Variants in MFRP observed in about 807,000 individuals in gnomAD.
MFRP encodes the protein C1q and TNF related 5.
MFRP carries 74 observed loss-of-function variants against 65.8 expected under a neutral mutation model. The observed-to-expected ratio is 1.12, with a 90% CI of 0.93 to 1.36. MFRP has a LOEUF of 1.36. MFRP is among the 40% of genes most tolerant of loss of function. The probability of loss-of-function intolerance (pLI) is 0.00; values close to 1 mark genes in which losing one functional copy is unlikely to be tolerated. For synonymous variants in MFRP, 336 were observed against 288.3 expected, an observed-to-expected ratio of 1.17 and a Z score of -1.68; for missense variants, 838 against 736.0, an observed-to-expected ratio of 1.14 and a Z score of -1.60.
At chr11:119,343,378 G>T (rs192120917) in intron 9 of MFRP, among the ~76,000 whole-genome samples, 294 of 152,296 alleles carry the variant, frequency 1.9e-3, no homozygotes, top group Non-Finnish European at 3.2e-3. Flanking sequence ...TTATCTGGGC[G>T]TGGTGGCATG....
Position 119,341,387 on chromosome 11 carries a change from G to C in MFRP, c.*161C>G, listed in dbSNP as rs1333783847. On this transcript the variant is annotated 3_prime_UTR_variant, in exon 13 of 15. Transcript: ENST00000619721. ...AGGAAGGAGCAGGGAGGGTGGTAGG[G>C]TCCCATGAGCCCCAGCTGAGGACTT... The C allele has an allele frequency of 3.2e-6, 2 of 633,946 alleles. No individual in the cohort carries two copies. Among genetic ancestry groups the C allele is most frequent in the Non-Finnish European group, 5.5e-6 (2 of 366,108 alleles). 39.3% of individuals were successfully genotyped at this position (633,946 alleles called of 1,614,324 possible). A position where few individuals can be genotyped will look rare whatever the true frequency, so the allele number is the denominator to read the frequency against.
In MFRP at chr11:119,345,440, C is replaced by A. The variant is rs1363536332; in HGVS notation, c.621G>T (p.Glu207Asp). 1 of 1,613,930 alleles carries A rather than the reference C, an allele frequency of 6.2e-7. No homozygotes were observed. Among genetic ancestry groups the A allele is most frequent in the Non-Finnish European group, 8.5e-7 (1 of 1,180,030 alleles). Residue 207 changes from glutamate (E) to aspartate (D), a missense_variant, in exon 5 of 15, where the codon GAG becomes GAT. Coordinates refer to ENST00000619721, the MANE Select transcript of MFRP (RefSeq NM_031433.4). ...CCTACCTGAGGAGGGGGCCTTCAGG[C>A]TCAGGGGAGAGTTCCAAGCGATCAA... is the stretch of plus-strand genomic sequence containing the variant. ...CLFDRLELSPEPEGPLLRVCG... is the reference protein window; with the variant it reads ...CLFDRLELSPDPEGPLLRVCG...
chr11:119,342,617 C>A lies in MFRP; in HGVS notation c.1366G>T (p.Gly456Cys), dbSNP rs369531002. 2 of 1,613,404 alleles carry A rather than the reference C, an allele frequency of 1.2e-6. No homozygotes were observed. The highest frequency in any genetic ancestry group is 4.5e-5 in the East Asian group (2 of 44,862). Residue 456 changes from glycine to cysteine, a missense_variant, in exon 11 of 15, where the codon GGC becomes TGC. Gly to Cys is a radical substitution (Grantham distance 159). Coordinates refer to ENST00000619721, the MANE Select transcript of MFRP (RefSeq NM_031433.4). ...CTDGSDDNCS[G>C]PLFPPPELAC... ...TCACCTGGGGGTGGGAACAAGGGGCCGCTGCAGTTGTCATCGCTGCCATCG... is the reference window on the plus strand; with the variant it reads ...TCACCTGGGGGTGGGAACAAGGGGCAGCTGCAGTTGTCATCGCTGCCATCG...
At chr11:119,345,677 G>A (rs1244058564) in intron 4 of MFRP, 44 bp from the exon 5 acceptor site, 6 of 1,608,556 alleles carry the variant, frequency 3.7e-6, no homozygotes, top group Non-Finnish European at 5.1e-6. Context: ...AAGGAGTGAG[G>A]TCCTTTATTC....
chr11:119,340,499 C>A (rs965120899), intron 13 of MFRP, 59 bp from the exon 14 acceptor site: 2 of 1,301,000 alleles, frequency 1.5e-6, no homozygotes, highest in Admixed American at 2.0e-5. Flanking sequence ...CCTCTCTCCC[C>A]ACCCCGGCGC....
In MFRP at chr11:119,342,668, T is replaced by A. The variant is rs774247976; in HGVS notation, c.1315A>T (p.Met439Leu). 1 of 1,613,562 alleles carries A rather than the reference T, an allele frequency of 6.2e-7. No homozygotes were observed. Among genetic ancestry groups the A allele is most frequent in the South Asian group, 1.1e-5 (1 of 91,068 alleles). ...QAGGCKGVQW[M>L]CDMWRDCTDG... ...GTGCAGTCTCTCCACATGTCACACA[T>A]CCACTGCACACCCTTACACCCTCCT... The change falls in exon 11 of 15, where the codon ATG (methionine) becomes TTG (leucine). Residue 439 changes from methionine (M) to leucine (L), a missense_variant. Transcript: ENST00000619721.
rs762086812 is a variant in MFRP at position 119,346,382 on chromosome 11, G to C, written c.55-8C>G. 13 of 1,613,738 alleles carry C rather than the reference G, an allele frequency of 8.1e-6. No individual in the cohort carries two copies. In the South Asian group the frequency reaches 8.8e-5, roughly 11 times the overall value. ...AGGATTGCAGAACTCGGTCTGGAAG[G>C]GGGAGATACTTGAGGGCTGAGGGCA... is the stretch of plus-strand genomic sequence containing the variant. On this transcript the variant is annotated splice_polypyrimidine_tract_variant and splice_region_variant and intron_variant, in intron 1 of 14. Coordinates refer to ENST00000619721, the MANE Select transcript of MFRP (RefSeq NM_031433.4).
chr11:119,346,273 A>G lies in MFRP; in HGVS notation c.156T>C (p.His52=), dbSNP rs1188035800. 3 of 1,612,162 alleles carry G rather than the reference A, an allele frequency of 1.9e-6. No homozygotes were observed. The highest frequency in any genetic ancestry group is 2.5e-6 in the Non-Finnish European group (3 of 1,179,198). ...CAGGTCACCCCCTGGGATGGTTACC[A>G]TGCCAGGGAGCTGGGACGCTGTAGC... ...DASYSVPAPW[H]GRRPRGLRPD... Residue 52 remains histidine, a splice_region_variant and synonymous_variant, in exon 2 of 15, where the codon CAT becomes CAC. Transcript: ENST00000619721.
At position 119,343,757 on chromosome 11, in the gene MFRP, G is replaced by A. The variant is rs1245319413; in HGVS notation, c.1124+59C>T. 5 of 1,604,924 alleles carry A rather than the reference G, an allele frequency of 3.1e-6. No individual in the cohort carries two copies. In the Admixed American group the frequency reaches 6.7e-5, roughly 21 times the overall value. On this transcript the variant is annotated intron_variant, in intron 9 of 14. Transcript: ENST00000619721. ...TGGAATGTGCTGGGCCGACATGGAA[G>A]CCGGGGGTGGCAGACAGTGAGGATG... is the stretch of plus-strand genomic sequence containing the variant.
Position 119,345,650 on chromosome 11 carries a change from T to C in MFRP, c.428-17A>G. 1 of 1,613,268 alleles carries C rather than the reference T, an allele frequency of 6.2e-7. No homozygotes were observed. Among genetic ancestry groups the C allele is most frequent in the Non-Finnish European group, 8.5e-7 (1 of 1,179,846 alleles). ...CTCCACAGGCTGCAGAGATGGAGGT[T>C]AGAGTTCAGAGGTCAAAAGGAGTGA... is the stretch of plus-strand genomic sequence containing the variant. On this transcript the variant is annotated splice_polypyrimidine_tract_variant and intron_variant, in intron 4 of 14. Coordinates refer to ENST00000619721, the MANE Select transcript of MFRP (RefSeq NM_031433.4).
chr11:119,339,477 T>C lies in MFRP; in HGVS notation c.*1482A>G, dbSNP rs1950473419. 1.9e-6 allele frequency: 3 copies of C among 1,612,758 alleles called. No individual in the cohort carries two copies. Among genetic ancestry groups the C allele is most frequent in the Non-Finnish European group, 2.5e-6 (3 of 1,179,666 alleles). On this transcript the variant is annotated 3_prime_UTR_variant, in exon 15 of 15. Coordinates refer to ENST00000619721, the MANE Select transcript of MFRP (RefSeq NM_031433.4). The surrounding 1 kb of genome is among the most constrained non-coding windows in gnomAD (Gnocchi z 5.4). Reference sequence around the variant, plus strand: ...TGGTCCTCAGGCTCCAGCCTCACCATGGCCCCCCCCGAGAGCGAGGCTGGC... The same window carrying C: ...TGGTCCTCAGGCTCCAGCCTCACCACGGCCCCCCCCGAGAGCGAGGCTGGC...
chr11:119,342,611 A>G lies in MFRP; in HGVS notation c.1372T>C (p.Leu458=). 6.2e-7 allele frequency: 1 copy of G among 1,613,320 alleles called. No homozygotes were observed. Among genetic ancestry groups the G allele is most frequent in the Non-Finnish European group, 8.5e-7 (1 of 1,179,854 alleles). Residue 458 remains leucine (L), a synonymous_variant, in exon 11 of 15, where the codon TTG becomes CTG. Coordinates refer to ENST00000619721, the MANE Select transcript of MFRP (RefSeq NM_031433.4). ...DGSDDNCSGP[L]FPPPELACEP... ...GGCTTCTCACCTGGGGGTGGGAACA[A>G]GGGGCCGCTGCAGTTGTCATCGCTG...
intron 13 of MFRP, 43 bp from the exon 14 acceptor site, chr11:119,340,483 G>T: frequency 7.1e-7 from 1 of 1,399,022 alleles, no homozygotes; most frequent in South Asian, 1.2e-5. Flanking sequence ...AGAATCCTGG[G>T]ACCTGCCTCT....
chr11:119,339,796 C>T lies in MFRP; in HGVS notation c.*1163G>A, dbSNP rs1415491444. ...ACTCCCCGGCAGGCCCGGTGGGCCC[C>T]GCGGGTCCCGCCTCTCCTCGCGGCC... On this transcript the variant is annotated 3_prime_UTR_variant, in exon 15 of 15. Transcript: ENST00000619721. The surrounding 1 kb of genome is among the most constrained non-coding windows in gnomAD (Gnocchi z 5.4). 2 of 1,507,432 alleles carry T rather than the reference C, an allele frequency of 1.3e-6. No individual in the cohort carries two copies. Among genetic ancestry groups the T allele is most frequent in the Non-Finnish European group, 1.8e-6 (2 of 1,132,260 alleles). The allele number at this position is 1,507,432 out of a possible 1,614,324, so 93.4% of individuals were successfully genotyped here. A position where few individuals can be genotyped will look rare whatever the true frequency, so the allele number is the denominator to read the frequency against.
chr11:119,345,084 C>T (rs1337091285), intron 5 of MFRP, 80 bp from the exon 6 acceptor site: 2 of 1,533,046 alleles, frequency 1.3e-6, no homozygotes, highest in East Asian at 2.4e-5. Context: ...GCCTTGCAGT[C>T]CTATTTTCTC....
At chr11:119,346,419 T>C in intron 1 of MFRP, 41 bp downstream of exon 1, 1 of 1,613,646 alleles carries the variant, frequency 6.2e-7, no homozygotes, top group Non-Finnish European at 8.5e-7. Context: ...CAGTGACCAC[T>C]GGTGCTGGGT....
chr11:119,340,539 GCC>G, intron 13 of MFRP, 99 bp from the exon 14 acceptor site: 1 of 864,018 alleles, frequency 1.2e-6, no homozygotes, highest in Non-Finnish European at 1.8e-6. Flanking sequence ...CCACTGCCGT[GCC>G]CCTGAGGCTG....
rs1210516332 is a variant in MFRP at position 119,343,970 on chromosome 11, G to A, written c.976-6C>T. On this transcript the variant is annotated splice_polypyrimidine_tract_variant and splice_region_variant and intron_variant, in intron 8 of 14. Transcript: ENST00000619721. Reference sequence around the variant, plus strand: ...GAGATATGCCAGGTGCAGAGCTGGGGGAGGGCATAGGTGGAGCAATTCATG... The same window carrying A: ...GAGATATGCCAGGTGCAGAGCTGGGAGAGGGCATAGGTGGAGCAATTCATG... The A allele has an allele frequency of 1.1e-5, 18 of 1,611,838 alleles. No individual in the cohort carries two copies. Among genetic ancestry groups the A allele is most frequent in the Non-Finnish European group, 1.4e-5 (17 of 1,179,962 alleles).
At chr11:119,343,407 C>T (rs980215732) in intron 9 of MFRP, among the ~76,000 whole-genome samples, 8 of 152,174 alleles carry the variant, frequency 5.3e-5, no homozygotes, top group African/African-American at 1.9e-4. Context: ...ATCCCAGCTA[C>T]TTAGGAGGCT....
Sources: gnomAD v4.1 joint callset for allele counts (sites outside exome capture counted in the v4.1 genomes callset) on GRCh38, gnomAD v4.1.1 for gene constraint, Gnocchi (gnomAD v3.1) non-coding constraint, MANE v1.5 for transcripts, NCBI Gene and HGNC (gene_info 2026-07-23, HGNC 2026-07-21) for gene names.